Variants in LRRTM4 observed in about 807,000 individuals in gnomAD.
LRRTM4 encodes leucine-rich repeat transmembrane neuronal protein 4.
A neutral mutation model predicts 47.6 loss-of-function variants in LRRTM4; 25 were observed. That is an observed-to-expected ratio of 0.53 (90% CI 0.38 to 0.73). The LOEUF (loss-of-function observed/expected upper bound fraction) is 0.73. Among genes scored for constraint, LRRTM4 ranks in the 30% least tolerant of loss-of-function variants. The pLI, the probability that LRRTM4 is intolerant of heterozygous loss-of-function variation, is 0.00. For missense variants in LRRTM4, 638 were observed against 713.4 expected (o/e 0.89, Z 1.20); for synonymous variants, 311 against 269.5 (o/e 1.15, Z -1.51).
intron 3 of LRRTM4, among the ~76,000 whole-genome samples, chr2:76,856,993 C>A (rs1486669949): frequency 6.6e-6 from 1 of 151,934 alleles, no homozygotes; most frequent in African/African-American, 2.4e-5. Flanking sequence ...AAATAAATTT[C>A]TCTCTTAATG....
intron 3 of LRRTM4, among the ~76,000 whole-genome samples, chr2:76,883,814 C>G (rs1424471093): frequency 1.3e-5 from 2 of 152,032 alleles, no homozygotes; most frequent in Non-Finnish European, 2.9e-5. Flanking sequence ...TGTGAATTGA[C>G]TGGGAGAAAG....
intron 3 of LRRTM4, among the ~76,000 whole-genome samples, chr2:77,160,636 C>T (rs1283242455): frequency 6.6e-6 from 1 of 152,080 alleles, no homozygotes; most frequent in Non-Finnish European, 1.5e-5. Context: ...TGAAGACTGA[C>T]AGCTTGTGCT....
intron 3 of LRRTM4, among the ~76,000 whole-genome samples, chr2:77,344,008 TA>T (rs1324232539): frequency 1.3e-5 from 2 of 151,704 alleles, no homozygotes; most frequent in African/African-American, 4.8e-5. Context: ...TTAAAGAGAA[TA>T]AAAGATCTGG....
chr2:77,189,083 ATC>A (rs1315630890), intron 3 of LRRTM4, among the ~76,000 whole-genome samples: 1 of 151,892 alleles, frequency 6.6e-6, no homozygotes, highest in African/African-American at 2.4e-5. Context: ...AACAATTAAA[ATC>A]TCTCTATAGC....
At chr2:77,037,134 G>A (rs1419229409) in intron 3 of LRRTM4, among the ~76,000 whole-genome samples, 1 of 151,694 alleles carries the variant, frequency 6.6e-6, no homozygotes, top group South Asian at 2.1e-4. Flanking sequence ...CTGCTAGGCT[G>A]TAATCATTTA....
At chr2:77,196,786 A>G (rs6547127) in intron 3 of LRRTM4, among the ~76,000 whole-genome samples, 30,168 of 152,088 alleles carry the variant, frequency 0.2, 5,766 homozygotes, top group African/African-American at 0.49. Context: ...TGAATCTAAG[A>G]TCTATTAAAT....
At chr2:76,798,119 C>T (rs1244390501) in intron 3 of LRRTM4, among the ~76,000 whole-genome samples, 1 of 151,990 alleles carries the variant, frequency 6.6e-6, no homozygotes, top group African/African-American at 2.4e-5. Flanking sequence ...ATCTACTGAA[C>T]TCTCCACACC....
At chr2:77,413,426 A>C (rs1212653268) in intron 3 of LRRTM4, among the ~76,000 whole-genome samples, 1 of 152,104 alleles carries the variant, frequency 6.6e-6, no homozygotes, top group African/African-American at 2.4e-5. Context: ...TACGCATTCC[A>C]AACAGTGAAA....
rs1000231215 is a variant in LRRTM4, at chr2:77,061,247, T to C, written c.1552-312331A>G. ...TAAATAGTAGCACCAATTTTAATTA[T>C]TGTGTTTATACTTGGCCAATCTTGA... is the stretch of plus-strand genomic sequence containing the variant. On this transcript the variant is annotated intron_variant, in intron 3 of 3. Coordinates refer to ENST00000409884, the MANE Select transcript of LRRTM4 (RefSeq NM_001134745.3). 5.9e-5 allele frequency among the ~76,000 whole-genome samples: 9 copies of C among 152,300 alleles called. No individual in the cohort carries two copies. In the South Asian group the frequency reaches 8.3e-4, roughly 14 times the overall value.
At chr2:76,873,928 T>G (rs1450313188) in intron 3 of LRRTM4, among the ~76,000 whole-genome samples, 2 of 151,974 alleles carry the variant, frequency 1.3e-5, no homozygotes, top group Non-Finnish European at 2.9e-5. Context: ...TGAAATTTTA[T>G]AAAGTTAATT....
chr2:77,244,644 G>C (rs1161227476), intron 3 of LRRTM4, among the ~76,000 whole-genome samples: 1 of 151,844 alleles, frequency 6.6e-6, no homozygotes, highest in Non-Finnish European at 1.5e-5. Flanking sequence ...GTGTAGGCTA[G>C]ACTTAGAAGT....
chr2:76,792,466 A>C (rs1675028597), intron 3 of LRRTM4, among the ~76,000 whole-genome samples: 1 of 152,182 alleles, frequency 6.6e-6, no homozygotes, highest in African/African-American at 2.4e-5. Flanking sequence ...CCAAAGATAG[A>C]AGGATATACA....
intron 3 of LRRTM4, among the ~76,000 whole-genome samples, chr2:77,109,197 A>G (rs1269146533): frequency 2.0e-5 from 3 of 152,156 alleles, no homozygotes; most frequent in Admixed American, 2.0e-4. Flanking sequence ...GGACTTCAAA[A>G]TTGTTTGGAT....
chr2:76,755,042 T>C (rs902788785), intron 3 of LRRTM4, among the ~76,000 whole-genome samples: 1 of 152,116 alleles, frequency 6.6e-6, no homozygotes, highest in African/African-American at 2.4e-5. Context: ...TCAGCTTTGG[T>C]GTGATTTGTT....
At position 76,965,662 on chromosome 2, in the gene LRRTM4, G is replaced by A. The variant is rs570437474; in HGVS notation, c.1552-216746C>T. Among the ~76,000 whole-genome samples the A allele has an allele frequency of 1.8e-3, 271 of 151,346 alleles. 1 individual carries two copies. Among genetic ancestry groups the A allele is most frequent in the African/African-American group, 6.3e-3 (262 of 41,428 alleles). On this transcript the variant is annotated intron_variant, in intron 3 of 3. Transcript: ENST00000409884. ...GCCTGATTTTAGCTGAATTCACATT[G>A]AGTAATTCTTGGTTCTACTACTTAC...
chr2:77,232,109 C>CA (rs1240030573), intron 3 of LRRTM4, among the ~76,000 whole-genome samples: 1 of 151,994 alleles, frequency 6.6e-6, no homozygotes, highest in Non-Finnish European at 1.5e-5. Context: ...AAGTAGGTTC[C>CA]AGGAGGGCAC....
intron 3 of LRRTM4, among the ~76,000 whole-genome samples, chr2:77,348,585 A>C (rs1396596440): frequency 6.6e-6 from 1 of 150,430 alleles, no homozygotes; most frequent in Non-Finnish European, 1.5e-5. Context: ...ATTTTAAAGA[A>C]TATATCTGTA....
chr2:76,853,478 T>G (rs960963316), intron 3 of LRRTM4, among the ~76,000 whole-genome samples: 5 of 152,236 alleles, frequency 3.3e-5, no homozygotes, highest in African/African-American at 4.8e-5. Context: ...CAAATCAAAC[T>G]CTCGTCCTTG....
chr2:76,861,960 A>C (rs189411243), intron 3 of LRRTM4, among the ~76,000 whole-genome samples: 2 of 152,286 alleles, frequency 1.3e-5, no homozygotes, highest in East Asian at 3.9e-4. Context: ...TGTTGTACCA[A>C]ATAAGGCATT....
Sources: allele counts gnomAD v4.1 joint callset (sites outside exome capture counted in the v4.1 genomes callset), GRCh38; gene constraint gnomAD v4.1.1; transcripts MANE v1.5; gene names NCBI Gene and HGNC (gene_info 2026-07-23, HGNC 2026-07-21).